The following GRM8 variants were observed in gnomAD, a reference collection of about 807,000 sequenced individuals.
GRM8 encodes metabotropic glutamate receptor 8.
Under a neutral mutation model 87.2 loss-of-function variants are expected in GRM8, and 47 were observed. That is an observed-to-expected ratio of 0.54 (90% CI 0.43 to 0.69). The LOEUF is 0.69. Ranked by LOEUF, GRM8 falls within the 30% of genes least tolerant of loss-of-function variation. GRM8 has a pLI of 0.00. For missense variants in GRM8, 1,019 were observed against 1,139.2 expected, an observed-to-expected ratio of 0.89 and a Z score of 1.52; for synonymous variants, 396 against 404.5, an observed-to-expected ratio of 0.98 and a Z score of 0.25.
intron 2 of GRM8, among the ~76,000 whole-genome samples, chr7:127,177,465 G>T (rs1794177105): frequency 6.6e-6 from 1 of 152,194 alleles, no homozygotes; most frequent in Admixed American, 6.5e-5. Flanking sequence ...CTAGGGCACT[G>T]CCCACTGCCA....
At chr7:126,946,419 TG>T (rs1380040602) in intron 3 of GRM8, among the ~76,000 whole-genome samples, 1 of 152,168 alleles carries the variant, frequency 6.6e-6, no homozygotes, top group Non-Finnish European at 1.5e-5. Context: ...GAGGATCACT[TG>T]GGCCTAATAA....
chr7:126,763,220 C>A (rs556299040), intron 7 of GRM8, among the ~76,000 whole-genome samples: 2 of 151,272 alleles, frequency 1.3e-5, no homozygotes, highest in Non-Finnish European at 3.0e-5. Flanking sequence ...AAAATAATTT[C>A]TTTTACTGAT....
At chr7:126,876,629 A>T (rs17628324) in intron 6 of GRM8, among the ~76,000 whole-genome samples, 6 of 152,108 alleles carry the variant, frequency 3.9e-5, no homozygotes, top group African/African-American at 9.7e-5. Context: ...TTTTCGTCAT[A>T]TAAGGGCATG....
chr7:126,903,667 GTATATGTGTATA>G (rs1488439794), intron 5 of GRM8, among the ~76,000 whole-genome samples: 3 of 118,336 alleles, frequency 2.5e-5, no homozygotes, highest in African/African-American at 9.8e-5. Flanking sequence ...ATATATATAT[GTATATGTGTATA>G]TATATATGTA....
intron 2 of GRM8, among the ~76,000 whole-genome samples, chr7:127,129,354 CA>C (rs1827548335): frequency 6.6e-6 from 1 of 152,098 alleles, no homozygotes; most frequent in Admixed American, 6.5e-5. Flanking sequence ...TTCCCCAAAT[CA>C]AGGCAAAAGT....
chr7:127,138,359 G>A (rs929928816), intron 2 of GRM8, among the ~76,000 whole-genome samples: 10 of 152,002 alleles, frequency 6.6e-5, no homozygotes, highest in Admixed American at 5.9e-4. Flanking sequence ...GTTAGAATCT[G>A]CAGAACCTTT....
At chr7:126,751,507 T>C (rs1213384375) in intron 7 of GRM8, among the ~76,000 whole-genome samples, 33 of 152,222 alleles carry the variant, frequency 2.2e-4, no homozygotes. Context: ...AGGACTTGCA[T>C]TAATTGGAGC....
intron 6 of GRM8, among the ~76,000 whole-genome samples, chr7:126,874,971 T>C (rs1045363362): frequency 6.6e-6 from 1 of 152,120 alleles, no homozygotes; most frequent in Admixed American, 6.6e-5. Flanking sequence ...ATGCTTTGTA[T>C]TCTGTCAGTA....
chr7:127,006,707 A>C (rs1814344817), intron 3 of GRM8, among the ~76,000 whole-genome samples: 1 of 151,782 alleles, frequency 6.6e-6, no homozygotes, highest in Admixed American at 6.6e-5. Flanking sequence ...TTTTTTCCTC[A>C]GTTTCCATTG....
At chr7:126,745,654 T>C (rs1014390073) in intron 7 of GRM8, among the ~76,000 whole-genome samples, 5 of 151,786 alleles carry the variant, frequency 3.3e-5, no homozygotes, top group African/African-American at 1.2e-4. Context: ...TGTCTTTTTC[T>C]TTTGTGATGA....
intron 9 of GRM8, among the ~76,000 whole-genome samples, chr7:126,473,881 T>G (rs1805592826): frequency 6.6e-6 from 1 of 152,118 alleles, no homozygotes; most frequent in African/African-American, 2.4e-5. Context: ...CTCTCTTGCC[T>G]GTCACAAGGT....
intron 6 of GRM8, among the ~76,000 whole-genome samples, chr7:126,835,688 C>A (rs977844149): frequency 6.6e-6 from 1 of 152,096 alleles, no homozygotes; most frequent in Non-Finnish European, 1.5e-5. Context: ...TGGTAAGTAC[C>A]AGCCTCAGAA....
chr7:126,940,652 T>G (rs1164767274), intron 3 of GRM8, among the ~76,000 whole-genome samples: 4 of 152,198 alleles, frequency 2.6e-5, no homozygotes, highest in Admixed American at 6.5e-5. Flanking sequence ...AGCTCCCAAT[T>G]GAAGTGTTCT....
intron 3 of GRM8, among the ~76,000 whole-genome samples, chr7:126,974,869 G>A (rs1425729463): frequency 6.7e-6 from 1 of 149,716 alleles, no homozygotes; most frequent in African/African-American, 2.5e-5. Context: ...TCGGGAGGCG[G>A]AGCTTGCAGT....
intron 8 of GRM8, among the ~76,000 whole-genome samples, chr7:126,601,187 T>C (rs1797717812): frequency 6.6e-6 from 1 of 151,052 alleles, no homozygotes; most frequent in Non-Finnish European, 1.5e-5. Context: ...CGGTGTTTGG[T>C]TTTTTGTACT....
At chr7:126,625,775 C>A (rs961153749) in intron 7 of GRM8, among the ~76,000 whole-genome samples, 4 of 151,654 alleles carry the variant, frequency 2.6e-5, no homozygotes, top group Non-Finnish European at 1.5e-5. Context: ...AGAAAAGTAA[C>A]CACAGAGACT....
intron 3 of GRM8, among the ~76,000 whole-genome samples, chr7:127,070,062 G>A (rs1003208134): frequency 6.6e-6 from 1 of 152,172 alleles, no homozygotes; most frequent in African/African-American, 2.4e-5. Flanking sequence ...GTAACAGGAT[G>A]ATGGGCACAT....
At chr7:126,848,219 T>C (rs550817038) in intron 6 of GRM8, among the ~76,000 whole-genome samples, 2 of 152,238 alleles carry the variant, frequency 1.3e-5, no homozygotes, top group East Asian at 3.9e-4. Context: ...AAATTTTCAG[T>C]TGTTCTTGTG....
intron 8 of GRM8, among the ~76,000 whole-genome samples, chr7:126,564,268 C>T (rs1436845509): frequency 6.6e-6 from 1 of 152,104 alleles, no homozygotes; most frequent in Non-Finnish European, 1.5e-5. Flanking sequence ...GGCTCCTCAT[C>T]AAAGAAGATG....
Sources: allele counts gnomAD v4.1 joint callset (sites outside exome capture counted in the v4.1 genomes callset), GRCh38; gene constraint gnomAD v4.1.1; transcripts MANE v1.5; gene names NCBI Gene and HGNC (gene_info 2026-07-23, HGNC 2026-07-21).